The following CELF2 variants were observed in gnomAD, a reference collection of about 807,000 sequenced individuals.
The protein encoded by CELF2 is CUG triplet repeat RNA-binding protein 2.
Under a neutral mutation model 62.6 loss-of-function variants are expected in CELF2, and 8 were observed. The ratio of observed to expected loss-of-function variants is 0.13; its 90% CI spans 0.07 to 0.23. CELF2 has a LOEUF of 0.23. Ranked by LOEUF, CELF2 falls within the 10% of genes least tolerant of loss-of-function variation. The probability of loss-of-function intolerance (pLI) is 1.00; values close to 1 mark genes in which losing one functional copy is unlikely to be tolerated. For missense variants in CELF2, 333 were observed against 671.0 expected, an observed-to-expected ratio of 0.50 and a Z score of 5.56; for synonymous variants, 258 against 250.0, an observed-to-expected ratio of 1.03 and a Z score of -0.30.
chr10:11,079,485 T>C (rs2073258495), intron 1 of CELF2, among the ~76,000 whole-genome samples: 1 of 152,190 alleles, frequency 6.6e-6, no homozygotes, highest in Non-Finnish European at 1.5e-5. Flanking sequence ...GATTGAATTA[T>C]GGGGGTTCAG....
At position 10,983,759 on chromosome 10, in the gene CELF2, G is replaced by A; in HGVS notation, c.89+63760G>A. Among the ~76,000 whole-genome samples the A allele has an allele frequency of 6.6e-6, 1 of 152,088 alleles. No individual in the cohort carries two copies. Among genetic ancestry groups the A allele is most frequent in the Non-Finnish European group, 1.5e-5 (1 of 68,012 alleles). The stretch of plus-strand genomic sequence containing the variant: ...ATTTTTGTATTTTTAGTAAAAACAG[G>A]ATTTCACCATGTTGGCCAGGCTGGT... On this transcript the variant is annotated intron_variant, in intron 2 of 13. Coordinates refer to the CELF2 transcript ENST00000636488. The surrounding 1 kb of genome is among the most constrained non-coding windows in gnomAD (Gnocchi z 5.2).
At chr10:10,780,360 A>C in the CELF2 span, among the ~76,000 whole-genome samples, 1 of 152,138 alleles carries the variant, frequency 6.6e-6, no homozygotes, top group Non-Finnish European at 1.5e-5. Context: ...ATAGGTGCTC[A>C]GTGCTTCTTG....
intron 1 of CELF2, among the ~76,000 whole-genome samples, chr10:10,808,116 A>T (rs531991335): frequency 6.6e-6 from 1 of 152,302 alleles, no homozygotes; most frequent in South Asian, 2.1e-4. Context: ...AAATAACACT[A>T]TCGACAAGAA....
In CELF2 at chr10:11,220,989, A is replaced by G. The variant is rs1016444931; in HGVS notation, c.354+3482A>G. 1.3e-5 allele frequency among the ~76,000 whole-genome samples: 2 copies of G among 152,228 alleles called. No homozygotes were observed. Among genetic ancestry groups the G allele is most frequent in the African/African-American group, 4.8e-5 (2 of 41,458 alleles). On this transcript the variant is annotated intron_variant, in intron 3 of 12. Transcript: ENST00000633077. The surrounding 1 kb of genome is among the most constrained non-coding windows in gnomAD (Gnocchi z 4.4). ...CAGTAGACAGGTAGTTAATACTTAC[A>G]TGGTTCGTGCTTTCACGCTTTTCTG...
the CELF2 span, among the ~76,000 whole-genome samples, chr10:10,527,506 C>T: frequency 0.79 from 119,617 of 151,296 alleles, 48,033 homozygotes; most frequent in Non-Finnish European, 0.87. Context: ...TTAATAATCA[C>T]GGGGTTCCAT....
At chr10:10,960,864 C>T (rs1025276222) in intron 2 of CELF2, among the ~76,000 whole-genome samples, 1 of 152,186 alleles carries the variant, frequency 6.6e-6, no homozygotes, top group African/African-American at 2.4e-5. Flanking sequence ...CATTTCAACA[C>T]AATAGGCACA....
chr10:11,119,410 C>T (rs1035944063), intron 1 of CELF2, among the ~76,000 whole-genome samples: 1 of 151,200 alleles, frequency 6.6e-6, no homozygotes, highest in Non-Finnish European at 1.5e-5. Context: ...GGATAGCAGA[C>T]CTCATTTCTT....
chr10:11,023,512 C>T (rs1490703058), intron 1 of CELF2, among the ~76,000 whole-genome samples: 2 of 152,192 alleles, frequency 1.3e-5, no homozygotes, highest in South Asian at 2.1e-4. Flanking sequence ...ATTGTTCCAT[C>T]CAATATCCTC....
chr10:11,070,790 G>C (rs748890408), intron 1 of CELF2, among the ~76,000 whole-genome samples: 1 of 152,150 alleles, frequency 6.6e-6, no homozygotes, highest in Non-Finnish European at 1.5e-5. Context: ...GTGAATGTTC[G>C]GGGAAGGGTG....
intron 1 of CELF2, among the ~76,000 whole-genome samples, chr10:11,064,671 T>G (rs1043051410): frequency 1.3e-5 from 2 of 152,032 alleles, no homozygotes; most frequent in Admixed American, 1.3e-4. Flanking sequence ...ACCAATCTCT[T>G]CCCCACCCCC....
chr10:10,764,819 G>A, the CELF2 span, among the ~76,000 whole-genome samples: 9 of 152,144 alleles, frequency 5.9e-5, no homozygotes, highest in Admixed American at 1.3e-4. Context: ...CACCTCCACT[G>A]TCTGCTGAGT....
chr10:11,089,448 C>T (rs776120428), intron 1 of CELF2, among the ~76,000 whole-genome samples: 5 of 152,138 alleles, frequency 3.3e-5, no homozygotes, highest in Non-Finnish European at 7.4e-5. Context: ...CAGAGATAAG[C>T]GTAACTGCTG....
intron 1 of CELF2, among the ~76,000 whole-genome samples, chr10:11,155,278 G>A (rs759216348): frequency 1.3e-5 from 2 of 152,202 alleles, no homozygotes; most frequent in South Asian, 2.1e-4. Context: ...CTGTGCTGCC[G>A]TCCTTGGGAA....
chr10:10,990,244 G>A lies in CELF2; in HGVS notation c.89+70245G>A, dbSNP rs931764803. 9.2e-5 allele frequency among the ~76,000 whole-genome samples: 14 copies of A among 151,936 alleles called. No homozygotes were observed. The highest frequency in any genetic ancestry group is 2.7e-4 in the African/African-American group (11 of 41,374). Reference sequence around the variant, plus strand: ...ATAATCCTTGGAAAATATTTTCAACGTCATTATGTGGGAAAAATATATCAT... The same window carrying A: ...ATAATCCTTGGAAAATATTTTCAACATCATTATGTGGGAAAAATATATCAT... On this transcript the variant is annotated intron_variant, in intron 2 of 13. Coordinates refer to the CELF2 transcript ENST00000636488. The surrounding 1 kb of genome is among the most constrained non-coding windows in gnomAD (Gnocchi z 4.6).
At chr10:10,664,761 G>A in the CELF2 span, among the ~76,000 whole-genome samples, 1 of 152,116 alleles carries the variant, frequency 6.6e-6, no homozygotes, top group African/African-American at 2.4e-5. Context: ...CCCAGTGTGT[G>A]GTTTAGGGGA....
intron 2 of CELF2, among the ~76,000 whole-genome samples, chr10:11,196,413 G>A (rs963222322): frequency 1.3e-5 from 2 of 152,220 alleles, no homozygotes; most frequent in African/African-American, 4.8e-5. Context: ...TGTAATCCCA[G>A]CACTTTGGGA....
At chr10:10,515,329 C>CCTACA in the CELF2 span, among the ~76,000 whole-genome samples, 1 of 102,212 alleles carries the variant, frequency 9.8e-6, no homozygotes, top group Non-Finnish European at 2.1e-5. Context: ...TAATCATGTT[C>CCTACA]ATACATCTTC....
the CELF2 span, among the ~76,000 whole-genome samples, chr10:10,704,685 A>T: frequency 6.6e-6 from 1 of 152,094 alleles, no homozygotes; most frequent in Admixed American, 6.6e-5. Flanking sequence ...ACTCATAGGC[A>T]GGCACACTGC....
intron 1 of CELF2, among the ~76,000 whole-genome samples, chr10:11,048,668 A>G (rs1166350452): frequency 2.0e-5 from 3 of 152,234 alleles, no homozygotes; most frequent in Admixed American, 6.5e-5. Flanking sequence ...GGTAGAATCT[A>G]AGAACACAGT....
Sources: gnomAD v4.1 joint callset for allele counts (sites outside exome capture counted in the v4.1 genomes callset) on GRCh38, gnomAD v4.1.1 for gene constraint, Gnocchi (gnomAD v3.1) non-coding constraint, MANE v1.5 for transcripts, NCBI Gene and HGNC (gene_info 2026-07-23, HGNC 2026-07-21) for gene names.